The following SBF2 variants were observed in gnomAD, a reference collection of about 807,000 sequenced individuals.
SBF2 encodes SET binding factor 2, also known as myotubularin-related protein 13.
SBF2 carries 112 observed loss-of-function variants against 225.2 expected under a neutral mutation model. The observed-to-expected ratio is 0.50, with a 90% CI of 0.43 to 0.58. The LOEUF (loss-of-function observed/expected upper bound fraction) is 0.58, where lower values mean the gene tolerates loss of function less well. SBF2 is among the 20% of genes least tolerant of loss of function. The probability of loss-of-function intolerance (pLI) is 0.00; values close to 1 mark genes in which losing one functional copy is unlikely to be tolerated. For missense variants in SBF2, 1,996 were observed against 2,206.2 expected (o/e 0.90, Z 1.91); for synonymous variants, 763 against 773.3 (o/e 0.99, Z 0.22).
chr11:10,084,870 G>A (rs1468340965), intron 2 of SBF2, among the ~76,000 whole-genome samples: 1 of 152,180 alleles, frequency 6.6e-6, no homozygotes, highest in Non-Finnish European at 1.5e-5. Flanking sequence ...ACAAGTGGGT[G>A]CTAAAAATGT....
chr11:10,291,698 AG>A (rs1964171501), intron 1 of SBF2, among the ~76,000 whole-genome samples: 2 of 145,960 alleles, frequency 1.4e-5, no homozygotes, highest in Admixed American at 6.9e-5. Context: ...ACACACACAC[AG>A]ACTCCATGTA....
chr11:9,877,073 C>T (rs1316516388), intron 17 of SBF2, among the ~76,000 whole-genome samples: 1 of 152,080 alleles, frequency 6.6e-6, no homozygotes, highest in East Asian at 1.9e-4. Context: ...ACAATTATTT[C>T]ATTCTATTTT....
intron 33 of SBF2, among the ~76,000 whole-genome samples, chr11:9,792,574 A>C (rs1007456655): frequency 6.6e-6 from 1 of 152,204 alleles, no homozygotes; most frequent in African/African-American, 2.4e-5. Context: ...TAACGAGTGC[A>C]TCTACCAGAA....
chr11:10,106,584 G>A (rs1182393007), intron 2 of SBF2, among the ~76,000 whole-genome samples: 1 of 144,500 alleles, frequency 6.9e-6, no homozygotes, highest in East Asian at 2.1e-4. Context: ...AGCCAAAATC[G>A]CACCACTGCA....
At chr11:10,259,908 T>C (rs1368386474) in intron 1 of SBF2, among the ~76,000 whole-genome samples, 3 of 152,136 alleles carry the variant, frequency 2.0e-5, no homozygotes, top group Non-Finnish European at 4.4e-5. Flanking sequence ...TAACACACAA[T>C]TTCAAATCCA....
intron 2 of SBF2, among the ~76,000 whole-genome samples, chr11:10,163,885 A>G (rs1955849273): frequency 1.3e-5 from 2 of 152,204 alleles, no homozygotes; most frequent in Non-Finnish European, 2.9e-5. Flanking sequence ...CTAAAACTCA[A>G]CAAGACTGTT....
At chr11:10,160,138 A>G (rs1055036785) in intron 2 of SBF2, among the ~76,000 whole-genome samples, 1 of 152,200 alleles carries the variant, frequency 6.6e-6, no homozygotes, top group African/African-American at 2.4e-5. Context: ...TTTGCAGATG[A>G]CATAATCTTA....
intron 16 of SBF2, chr11:9,929,220 G>C: frequency 5.3e-6 from 1 of 187,734 alleles, no homozygotes; most frequent in Non-Finnish European, 1.1e-5. Flanking sequence ...AACTGGAAAG[G>C]TGAAAAAGCT....
intron 16 of SBF2, among the ~76,000 whole-genome samples, chr11:9,910,890 C>CAAAAAAAAAAAA (rs68011518): frequency 1.6e-4 from 15 of 93,352 alleles, no homozygotes; most frequent in South Asian, 3.9e-4. Flanking sequence ...TACTAAAATA[C>CAAAAAAAAAAAA]AAAAAAAAAA....
intron 16 of SBF2, among the ~76,000 whole-genome samples, chr11:9,947,822 C>T (rs996568322): frequency 2.6e-5 from 4 of 151,826 alleles, no homozygotes; most frequent in African/African-American, 7.3e-5. Context: ...AAACTGAAAC[C>T]CTTGTGCTGG....
intron 10 of SBF2, among the ~76,000 whole-genome samples, chr11:9,993,711 C>A (rs1207299839): frequency 6.6e-6 from 1 of 152,182 alleles, no homozygotes; most frequent in African/African-American, 2.4e-5. Context: ...AGTCTTAGCC[C>A]TAGTGGCCTC....
chr11:9,828,762 T>C, intron 28 of SBF2: 1 of 318,380 alleles, frequency 3.1e-6, no homozygotes, highest in African/African-American at 2.2e-5. Context: ...TTTTAATAAA[T>C]ACACATTTAA....
chr11:10,041,498 C>T (rs758555313), intron 3 of SBF2, among the ~76,000 whole-genome samples: 6 of 152,146 alleles, frequency 3.9e-5, no homozygotes, highest in Non-Finnish European at 5.9e-5. Flanking sequence ...TGGCTTTCTA[C>T]TAAGATCTGG....
chr11:10,166,948 C>A (rs1466905800), intron 2 of SBF2, among the ~76,000 whole-genome samples: 1 of 149,182 alleles, frequency 6.7e-6, no homozygotes, highest in Admixed American at 6.7e-5. Context: ...GGCAACAGAG[C>A]AAGACTCTGT....
rs191265971 is a variant in SBF2 at position 10,014,765 on chromosome 11, A to G, written c.620-12076T>C. On this transcript the variant is annotated intron_variant, in intron 6 of 39. Transcript: ENST00000256190. ...ATTTTTTAATATATGTAAGACACAA[A>G]TATGCTACCAGAAGTCAAAATAATA... 1.8e-4 allele frequency among the ~76,000 whole-genome samples: 27 copies of G among 152,250 alleles called. 1 individual carries two copies. Among genetic ancestry groups the G allele is most frequent in the Non-Finnish European group, 3.5e-4 (24 of 68,018 alleles).
Position 9,845,720 on chromosome 11 carries a change from A to T in SBF2, c.2955T>A (p.Asp985Glu). The change falls in exon 24 of 40, where the codon GAT becomes GAA. Residue 985 changes from aspartate to glutamate, a missense_variant. By Grantham distance (45) the Asp-to-Glu change is conservative (BLOSUM62 2). Coordinates refer to ENST00000256190, the MANE Select transcript of SBF2 (RefSeq NM_030962.4). ...ASFQLIKVAFDEEVSPEVVEI... is the reference protein window; with the variant it reads ...ASFQLIKVAFEEEVSPEVVEI... The stretch of plus-strand genomic sequence containing the variant: ...CTACTACTTCTGGACTGACTTCTTC[A>T]TCAAATGCTACCTTAATCAACTAGA... The T allele has an allele frequency of 6.2e-7, 1 of 1,613,940 alleles. No individual in the cohort carries two copies. The highest frequency in any genetic ancestry group is 8.5e-7 in the Non-Finnish European group (1 of 1,179,810).
upstream of SBF2, among the ~76,000 whole-genome samples, chr11:10,299,043 G>A (rs1005000789): frequency 2.6e-5 from 4 of 152,244 alleles, no homozygotes; most frequent in East Asian, 3.9e-4. Flanking sequence ...CATAGATGAC[G>A]TAGAAAGTGT....
intron 1 of SBF2, among the ~76,000 whole-genome samples, chr11:10,257,914 G>A (rs1188122922): frequency 1.4e-5 from 2 of 147,294 alleles, no homozygotes; most frequent in African/African-American, 2.5e-5. Context: ...ACGAGATCGC[G>A]CCAGTGCACT....
chr11:9,809,024 A>G, intron 30 of SBF2, 22 bp from the exon 31 acceptor site: 1 of 1,584,728 alleles, frequency 6.3e-7, no homozygotes, highest in Middle Eastern at 1.7e-4. Context: ...GAAGGAGAAC[A>G]CAATTAGACC....
Sources: gnomAD v4.1 joint callset for allele counts (sites outside exome capture counted in the v4.1 genomes callset) on GRCh38, gnomAD v4.1.1 for gene constraint, MANE v1.5 for transcripts, NCBI Gene and HGNC (gene_info 2026-07-23, HGNC 2026-07-21) for gene names.